KIAA1217: variants seen among roughly 807,000 people sequenced by gnomAD.
KIAA1217 encodes KIAA1217.
A neutral mutation model predicts 163.9 loss-of-function variants in KIAA1217; 88 were observed. That is an observed-to-expected ratio of 0.54 (90% confidence interval 0.45 to 0.64). KIAA1217 has a LOEUF of 0.64. Among genes scored for constraint, KIAA1217 ranks in the 30% least tolerant of loss-of-function variants. The pLI is 0.00. For missense variants in KIAA1217, 2,372 were observed against 2,475.0 expected (o/e 0.96, Z 0.88); for synonymous variants, 903 against 923.1 (o/e 0.98, Z 0.39).
intron 1 of KIAA1217, among the ~76,000 whole-genome samples, chr10:23,747,840 GC>G (rs1839494410): frequency 6.6e-6 from 1 of 152,104 alleles, no homozygotes; most frequent in Admixed American, 6.5e-5. Flanking sequence ...CATGTTTCCT[GC>G]TGCTGCCCTA....
chr10:24,513,566 T>G (rs978139016), intron 10 of KIAA1217, 132 bp downstream of exon 10: 17 of 793,436 alleles, frequency 2.1e-5, no homozygotes, highest in Non-Finnish European at 3.2e-5. Context: ...AAAGTTAGAG[T>G]TCTGCTGATG....
chr10:24,010,166 G>A (rs1051298658), intron 2 of KIAA1217, among the ~76,000 whole-genome samples: 8 of 151,514 alleles, frequency 5.3e-5, no homozygotes, highest in African/African-American at 1.9e-4. Flanking sequence ...AGAAAACCTG[G>A]ACTGTATGAA....
chr10:23,936,339 A>G (rs1333985181), intron 1 of KIAA1217, among the ~76,000 whole-genome samples: 1 of 152,096 alleles, frequency 6.6e-6, no homozygotes, highest in African/African-American at 2.4e-5. Flanking sequence ...CTTGCATACT[A>G]CCTGTACTGG....
At chr10:23,840,778 A>G (rs1257315097) in intron 1 of KIAA1217, among the ~76,000 whole-genome samples, 2 of 152,204 alleles carry the variant, frequency 1.3e-5, no homozygotes, top group Non-Finnish European at 2.9e-5. Flanking sequence ...CCTTCACTCT[A>G]TAAAGAAACT....
intron 2 of KIAA1217, among the ~76,000 whole-genome samples, chr10:24,287,130 A>C (rs979126276): frequency 1.7e-4 from 25 of 150,828 alleles, no homozygotes; most frequent in African/African-American, 5.4e-4. Context: ...GGCTCACTGC[A>C]ACCTCCACCT....
intron 1 of KIAA1217, among the ~76,000 whole-genome samples, chr10:23,758,616 C>G (rs557899282): frequency 1.5e-5 from 2 of 135,704 alleles, no homozygotes; most frequent in South Asian, 4.6e-4. Context: ...CTCTTTCTTT[C>G]TTTCTTACTT....
chr10:23,961,599 C>G lies in KIAA1217; in HGVS notation c.-320-45626C>G, dbSNP rs538577381. Among the ~76,000 whole-genome samples the G allele has an allele frequency of 1.1e-4, 17 of 152,222 alleles. No homozygotes were observed. The South Asian group carries it at 3.5e-3, about 32-fold the overall frequency. ...ACTTATAAACTATCTTTAAAATAAC[C>G]CTTCAGCTTTTTTGTAATGTGATAA... On this transcript the variant is annotated intron_variant, in intron 1 of 18. Coordinates refer to the KIAA1217 transcript ENST00000376462.
chr10:24,183,919 A>G (rs551153206), intron 2 of KIAA1217, among the ~76,000 whole-genome samples: 3 of 152,252 alleles, frequency 2.0e-5, no homozygotes, highest in Admixed American at 1.3e-4. Flanking sequence ...AATATCCCCA[A>G]TTCCCTCAAA....
At chr10:24,370,862 G>A (rs184795885) in intron 2 of KIAA1217, among the ~76,000 whole-genome samples, 1 of 152,308 alleles carries the variant, frequency 6.6e-6, no homozygotes, top group Non-Finnish European at 1.5e-5. Context: ...ATAGGTGTAA[G>A]CCACCACACC....
chr10:24,043,891 AAAAGGTCTGGGTTG>A (rs1387585863), intron 2 of KIAA1217, among the ~76,000 whole-genome samples: 3 of 152,118 alleles, frequency 2.0e-5, no homozygotes, highest in Non-Finnish European at 4.4e-5. Flanking sequence ...TTTCTTTGAT[AAAAGGTCTGGGTTG>A]GGATTAGTTC....
chr10:23,711,923 A>G, intron 1 of KIAA1217, among the ~76,000 whole-genome samples: 1 of 152,180 alleles, frequency 6.6e-6, no homozygotes, highest in East Asian at 1.9e-4. Flanking sequence ...AAAATGTGGG[A>G]ATCGCAGAGA....
upstream of KIAA1217, among the ~76,000 whole-genome samples, chr10:24,205,088 G>A (rs1011521980): frequency 8.6e-5 from 13 of 151,964 alleles, no homozygotes; most frequent in South Asian, 4.2e-4. Context: ...GATTTAAAGT[G>A]AAAAAATATT....
Position 23,995,450 on chromosome 10 carries a change from C to CTCTGTGTGTGTGTGTGTGTGTG in KIAA1217, c.-320-11774_-320-11773insCTGTGTGTGTGTGTGTGTGTGT, listed in dbSNP as rs980015208. Among the ~76,000 whole-genome samples the CTCTGTGTGTGTGTGTGTGTGTG allele has an allele frequency of 1.4e-3, 210 of 147,826 alleles. 1 individual carries two copies. Among genetic ancestry groups the CTCTGTGTGTGTGTGTGTGTGTG allele is most frequent in the African/African-American group, 4.8e-3 (191 of 40,102 alleles). On this transcript the variant is annotated intron_variant, in intron 1 of 18. Transcript: ENST00000376462. ...CAATTCCATTACAGCCAATTATGGCCTGTGTGTGTGTGTGTGTGTGTGTGT... is the reference window on the plus strand; with the variant it reads ...CAATTCCATTACAGCCAATTATGGCCTCTGTGTGTGTGTGTGTGTGTGTGTGTGTGTGTGTGTGTGTGTGTGT...
chr10:24,230,753 A>C (rs2071295049), intron 2 of KIAA1217, among the ~76,000 whole-genome samples: 1 of 151,038 alleles, frequency 6.6e-6, no homozygotes, highest in Admixed American at 6.6e-5. Context: ...CTGATCTTGA[A>C]CTCCTGGCCT....
chr10:24,164,482 C>T (rs1240946025), intron 2 of KIAA1217, among the ~76,000 whole-genome samples: 1 of 152,196 alleles, frequency 6.6e-6, no homozygotes, highest in Non-Finnish European at 1.5e-5. Flanking sequence ...GTAACCCCAT[C>T]TATCCTGGTT....
intron 1 of KIAA1217, among the ~76,000 whole-genome samples, chr10:23,704,140 GTGTGTA>G (rs1286595858): frequency 2.3e-5 from 2 of 87,340 alleles, no homozygotes; most frequent in African/African-American, 1.5e-4. Context: ...ATGTATGTGT[GTGTGTA>G]TGTGTGTGTG....
At chr10:23,812,926 T>G (rs922314799) in intron 1 of KIAA1217, among the ~76,000 whole-genome samples, 1 of 152,154 alleles carries the variant, frequency 6.6e-6, no homozygotes, top group Non-Finnish European at 1.5e-5. Context: ...ACTTTTTGTG[T>G]GGACCTATGT....
chr10:24,438,258 T>C, intron 4 of KIAA1217, 128 bp from the exon 5 acceptor site: 1 of 636,020 alleles, frequency 1.6e-6, no homozygotes, highest in East Asian at 2.6e-5. Flanking sequence ...AGCTTTTGAC[T>C]GGCGTACTGT....
intron 2 of KIAA1217, chr10:24,275,757 T>G (rs2077219909): frequency 1.9e-6 from 1 of 530,584 alleles, no homozygotes; most frequent in Non-Finnish European, 3.9e-6. Context: ...CACACTGCAA[T>G]TACTTTTGCT....
Sources: gnomAD v4.1 joint callset for allele counts (sites outside exome capture counted in the v4.1 genomes callset) on GRCh38, gnomAD v4.1.1 for gene constraint, MANE v1.5 for transcripts, NCBI Gene and HGNC (gene_info 2026-07-23, HGNC 2026-07-21) for gene names.